Variants in TTC21B observed in about 807,000 individuals in gnomAD.
TTC21B encodes tetratricopeptide repeat domain 21B.
TTC21B carries 127 observed loss-of-function variants against 175.1 expected under a neutral mutation model. That is an observed-to-expected ratio of 0.73 (90% confidence interval 0.63 to 0.84). The LOEUF is 0.84. Ranked by LOEUF, TTC21B falls within the 40% of genes least tolerant of loss-of-function variation. The probability of loss-of-function intolerance (pLI) is 0.00; values close to 1 mark genes in which losing one functional copy is unlikely to be tolerated. For missense variants in TTC21B, 1,561 were observed against 1,558.3 expected (o/e 1.00, Z -0.03); for synonymous variants, 524 against 524.5 (o/e 1.00, Z 0.01).
At chr2:165,895,765 G>T (rs908720713) in intron 22 of TTC21B, among the ~76,000 whole-genome samples, 2 of 152,092 alleles carry the variant, frequency 1.3e-5, no homozygotes, top group Admixed American at 1.3e-4. Flanking sequence ...AGATGGTCAA[G>T]TAGTTCACAG....
intron 27 of TTC21B, among the ~76,000 whole-genome samples, chr2:165,877,602 T>G (rs925047473): frequency 6.6e-6 from 1 of 152,222 alleles, no homozygotes; most frequent in Admixed American, 6.5e-5. Flanking sequence ...AAGTATACTC[T>G]AAGATGTTCA....
At chr2:165,922,566 C>CAAAAAAAAAAAAAAAAAAAAAAAAAA (rs71031215) in intron 12 of TTC21B, among the ~76,000 whole-genome samples, 1 of 97,430 alleles carries the variant, frequency 1.0e-5, no homozygotes, top group African/African-American at 3.9e-5. Context: ...ATTAAAAAGT[C>CAAAAAAAAAAAAAAAAAAAAAAAAAA]AAAAAAAAAA....
At chr2:165,915,487 A>G (rs374321889) in intron 14 of TTC21B, 48 bp from the exon 15 acceptor site, 26 of 1,363,774 alleles carry the variant, frequency 1.9e-5, no homozygotes, top group East Asian at 1.4e-4. Flanking sequence ...TAGTGAACAA[A>G]TAACACTAGA....
intron 12 of TTC21B, among the ~76,000 whole-genome samples, chr2:165,919,979 A>G (rs1279160764): frequency 6.6e-6 from 1 of 152,220 alleles, no homozygotes; most frequent in East Asian, 1.9e-4. Flanking sequence ...ACCAATGGAA[A>G]TAATGCCAGT....
chr2:165,947,395 C>G (rs1157566833), intron 3 of TTC21B: 2 of 151,282 alleles, frequency 1.3e-5, no homozygotes, highest in Non-Finnish European at 2.9e-5. Flanking sequence ...GTGAAATTAA[C>G]AAGGTACAAT....
intron 11 of TTC21B, 53 bp from the exon 12 acceptor site, chr2:165,924,731 C>T: frequency 6.8e-7 from 1 of 1,478,096 alleles, no homozygotes; most frequent in South Asian, 1.2e-5. Flanking sequence ...TAATATTTAC[C>T]TAAAATAAAC....
intron 4 of TTC21B, 28 bp downstream of exon 4, chr2:165,945,493 GTTA>G: frequency 6.3e-7 from 1 of 1,589,718 alleles, no homozygotes; most frequent in Middle Eastern, 1.7e-4. Flanking sequence ...ATTTTTTAAT[GTTA>G]TTATTTTAAA....
chr2:165,936,577 A>G (rs1450418184), intron 6 of TTC21B, among the ~76,000 whole-genome samples: 4 of 152,082 alleles, frequency 2.6e-5, no homozygotes, highest in Non-Finnish European at 5.9e-5. Context: ...ATATACAGAG[A>G]GCTCTTCAAA....
At chr2:165,920,514 A>G (rs750007053) in intron 12 of TTC21B, among the ~76,000 whole-genome samples, 1 of 152,194 alleles carries the variant, frequency 6.6e-6, no homozygotes, top group Non-Finnish European at 1.5e-5. Context: ...TCAAAACTGC[A>G]CAGGTACAAA....
intron 19 of TTC21B, among the ~76,000 whole-genome samples, chr2:165,905,512 CAAAG>C: frequency 6.6e-6 from 1 of 152,032 alleles, no homozygotes; most frequent in South Asian, 2.1e-4. Context: ...TAACACAAGA[CAAAG>C]GAGATTTTAA....
intron 6 of TTC21B, among the ~76,000 whole-genome samples, chr2:165,940,822 T>C (rs1227884295): frequency 1.3e-5 from 2 of 152,210 alleles, no homozygotes; most frequent in Admixed American, 6.5e-5. Flanking sequence ...AAAAAGAGTG[T>C]CTGTCTTAAA....
chr2:165,900,323 G>A (rs538162322), intron 20 of TTC21B, among the ~76,000 whole-genome samples: 7 of 152,292 alleles, frequency 4.6e-5, no homozygotes, highest in African/African-American at 1.7e-4. Flanking sequence ...AAAGGTATCT[G>A]TTTGGTTATG....
At chr2:165,942,583 C>T (rs538416284) in intron 5 of TTC21B, among the ~76,000 whole-genome samples, 1 of 152,258 alleles carries the variant, frequency 6.6e-6, no homozygotes, top group Admixed American at 6.5e-5. Flanking sequence ...CTTCTGTTCT[C>T]TTTACTCAAC....
intron 7 of TTC21B, among the ~76,000 whole-genome samples, chr2:165,932,100 T>C (rs1018965263): frequency 6.6e-6 from 1 of 152,144 alleles, no homozygotes; most frequent in Non-Finnish European, 1.5e-5. Flanking sequence ...ATGGAAACCT[T>C]TGGATAGGCG....
At position 165,890,977 on chromosome 2, in the gene TTC21B, T is replaced by C. The variant is rs1160209017; in HGVS notation, c.2962A>G (p.Thr988Ala). The change falls in exon 23 of 29, where the codon ACA (threonine) becomes GCA (alanine). Residue 988 changes from threonine (T) to alanine (A), a missense_variant. Physicochemically the swap from Thr to Ala is moderately conservative, Grantham distance 58 (BLOSUM62 0). Coordinates refer to ENST00000243344, the MANE Select transcript of TTC21B (RefSeq NM_024753.5). ...LLERKPDNYMTLSRLIDLLRR... is the reference protein window; with the variant it reads ...LLERKPDNYMALSRLIDLLRR... ...AGGAGATCAATCAAACGAGATAATG[T>C]CATATAATTATCTAGAAACAAATAA... 5 of 1,611,612 alleles carry C rather than the reference T, an allele frequency of 3.1e-6. No homozygotes were observed. Among genetic ancestry groups the C allele is most frequent in the Middle Eastern group, 1.7e-4 (1 of 6,056 alleles).
At chr2:165,882,042 AATT>A (rs1486557393) in intron 26 of TTC21B, among the ~76,000 whole-genome samples, 1 of 152,100 alleles carries the variant, frequency 6.6e-6, no homozygotes, top group African/African-American at 2.4e-5. Context: ...AGCTGCATTA[AATT>A]ATTATTTATC....
intron 22 of TTC21B, 88 bp downstream of exon 22, chr2:165,898,598 T>C (rs1039842552): frequency 6.2e-5 from 54 of 871,502 alleles, no homozygotes; most frequent in Non-Finnish European, 1.0e-4. Context: ...GGGACGGAGT[T>C]TGCCCGAGGG....
intron 27 of TTC21B, among the ~76,000 whole-genome samples, chr2:165,878,264 A>C (rs1684732337): frequency 6.6e-6 from 1 of 152,210 alleles, no homozygotes; most frequent in South Asian, 2.1e-4. Flanking sequence ...AGAGGAAATA[A>C]AGACCTAAGA....
At position 165,917,314 on chromosome 2, in the gene TTC21B, G is replaced by C; in HGVS notation, c.1842C>G (p.Ser614Arg). ...ATTCAAGAAAGATCGATAAACGATG[G>C]CTTGTATCAACTTCAGTTTTTCTGT... ...SKDRKTEVDTSHRLSIFLELI... is the reference protein window; with the variant it reads ...SKDRKTEVDTRHRLSIFLELI... The change falls in exon 14 of 29, where the codon AGC (serine) becomes AGG (arginine). Residue 614 changes from serine (S) to arginine (R), a missense_variant. Coordinates refer to ENST00000243344, the MANE Select transcript of TTC21B (RefSeq NM_024753.5). The C allele has an allele frequency of 6.2e-7, 1 of 1,614,196 alleles. No homozygotes were observed. The highest frequency in any genetic ancestry group is 1.7e-4 in the Middle Eastern group (1 of 6,060).
Sources: gnomAD v4.1 joint callset for allele counts (sites outside exome capture counted in the v4.1 genomes callset) on GRCh38, gnomAD v4.1.1 for gene constraint, MANE v1.5 for transcripts, NCBI Gene and HGNC (gene_info 2026-07-23, HGNC 2026-07-21) for gene names.